The following MOB1B variants were observed in gnomAD, a reference collection of about 807,000 sequenced individuals.
MOB1B encodes MOB1 Mps One Binder homolog B.
A neutral mutation model predicts 24.4 loss-of-function variants in MOB1B; 19 were observed. That is an observed-to-expected ratio of 0.78 (90% CI 0.54 to 1.14). The LOEUF (loss-of-function observed/expected upper bound fraction) is 1.14, where lower values mean the gene tolerates loss of function less well. MOB1B is among the 50% of genes most tolerant of loss of function. The probability of loss-of-function intolerance (pLI) is 0.00; values close to 1 mark genes in which losing one functional copy is unlikely to be tolerated. For synonymous variants in MOB1B, 76 were observed against 82.1 expected, an observed-to-expected ratio of 0.93 and a Z score of 0.40; for missense variants, 243 against 259.6, an observed-to-expected ratio of 0.94 and a Z score of 0.44.
chr4:70,980,142 TC>T (rs1335961873), intron 5 of MOB1B, among the ~76,000 whole-genome samples: 1 of 152,158 alleles, frequency 6.6e-6, no homozygotes, highest in African/African-American at 2.4e-5. Flanking sequence ...GAAATTTGTA[TC>T]CATCTTCCCC....
At chr4:70,902,310 T>G, upstream of MOB1B, 1 of 593,544 alleles carries the variant, frequency 1.7e-6, no homozygotes, top group South Asian at 1.9e-5. Context: ...TCCCTTTCCT[T>G]CCCCTCCCCT....
At chr4:70,979,366 C>G in intron 5 of MOB1B, 75 bp downstream of exon 5, 1 of 1,159,712 alleles carries the variant, frequency 8.6e-7, no homozygotes. Context: ...ATACTGTATT[C>G]ACACTGTCAG....
At chr4:70,950,037 G>A (rs1293718804) in intron 1 of MOB1B, among the ~76,000 whole-genome samples, 2 of 152,106 alleles carry the variant, frequency 1.3e-5, no homozygotes, top group African/African-American at 2.4e-5. Flanking sequence ...TGTGTTGTTC[G>A]TGAATGACTT....
At chr4:70,945,670 G>A (rs1737543473) in intron 1 of MOB1B, among the ~76,000 whole-genome samples, 1 of 152,196 alleles carries the variant, frequency 6.6e-6, no homozygotes, top group African/African-American at 2.4e-5. Flanking sequence ...CCTTGTGATA[G>A]GTTCTGGAGA....
intron 1 of MOB1B, among the ~76,000 whole-genome samples, chr4:70,942,005 A>G (rs937187079): frequency 2.0e-5 from 3 of 152,130 alleles, no homozygotes; most frequent in Admixed American, 2.0e-4. Flanking sequence ...ATTATTATCA[A>G]TCTTAGCTAA....
At chr4:70,923,666 A>G (rs907435429) in intron 1 of MOB1B, among the ~76,000 whole-genome samples, 3 of 151,966 alleles carry the variant, frequency 2.0e-5, no homozygotes, top group Non-Finnish European at 4.4e-5. Context: ...AGGTAACAGT[A>G]GGGCCGGGTG....
At chr4:70,962,031 G>C (rs554802360) in intron 2 of MOB1B, among the ~76,000 whole-genome samples, 1 of 152,020 alleles carries the variant, frequency 6.6e-6, no homozygotes, top group Non-Finnish European at 1.5e-5. Flanking sequence ...TTTGTGACTA[G>C]CCTGGGCAAA....
intron 1 of MOB1B, among the ~76,000 whole-genome samples, chr4:70,916,424 T>C (rs1243300268): frequency 6.6e-6 from 1 of 152,204 alleles, no homozygotes; most frequent in Non-Finnish European, 1.5e-5. Context: ...GAGACTATTA[T>C]TATGACTATT....
intron 1 of MOB1B, among the ~76,000 whole-genome samples, chr4:70,938,319 GCCC>G (rs61346183): frequency 4.1e-4 from 2 of 4,868 alleles, no homozygotes; most frequent in African/African-American, 2.0e-3. Context: ...TGCCGCCCCC[GCCC>G]CCCCCCCCCC....
At chr4:70,937,836 T>G (rs1355691416) in intron 1 of MOB1B, among the ~76,000 whole-genome samples, 1 of 152,162 alleles carries the variant, frequency 6.6e-6, no homozygotes, top group East Asian at 1.9e-4. Flanking sequence ...CATCTCTTTG[T>G]TTTTGTACTT....
At chr4:70,935,997 G>A (rs1472190603) in intron 1 of MOB1B, among the ~76,000 whole-genome samples, 7 of 151,678 alleles carry the variant, frequency 4.6e-5, no homozygotes, top group African/African-American at 1.2e-4. Context: ...GACTACAGGC[G>A]CCCACCACTA....
intron 1 of MOB1B, among the ~76,000 whole-genome samples, chr4:70,937,935 A>G (rs908836142): frequency 1.3e-5 from 2 of 151,508 alleles, no homozygotes; most frequent in African/African-American, 2.4e-5. Context: ...CTAGAGTCCT[A>G]TTTAATTTCT....
chr4:70,951,670 A>T (rs1462683943), intron 1 of MOB1B, among the ~76,000 whole-genome samples: 1 of 152,172 alleles, frequency 6.6e-6, no homozygotes, highest in African/African-American at 2.4e-5. Context: ...GGCCAAGATG[A>T]GGGGATTGCT....
At chr4:70,916,043 C>T (rs1449856745) in intron 1 of MOB1B, among the ~76,000 whole-genome samples, 5 of 152,164 alleles carry the variant, frequency 3.3e-5, no homozygotes, top group African/African-American at 4.8e-5. Context: ...CTGGTCTATT[C>T]TAGGATCTAC....
chr4:70,919,494 G>T (rs1433661699), intron 1 of MOB1B, among the ~76,000 whole-genome samples: 1 of 151,990 alleles, frequency 6.6e-6, no homozygotes, highest in African/African-American at 2.4e-5. Context: ...ATGTAAGACT[G>T]TTTCTTTTTT....
chr4:70,920,142 A>G (rs1328768122), intron 1 of MOB1B, among the ~76,000 whole-genome samples: 1 of 152,202 alleles, frequency 6.6e-6, no homozygotes, highest in African/African-American at 2.4e-5. Flanking sequence ...AAATTACTCA[A>G]GTCACATGAA....
At chr4:70,938,625 A>G (rs1196087630) in intron 1 of MOB1B, among the ~76,000 whole-genome samples, 1 of 151,950 alleles carries the variant, frequency 6.6e-6, no homozygotes, top group African/African-American at 2.4e-5. Context: ...TGGAGGTATA[A>G]CTGCTTTTTA....
rs962828392 is a variant in MOB1B, at chr4:70,984,303, G to T, written c.*2246G>T. 1.3e-5 allele frequency: 2 copies of T among 152,140 alleles called. No individual in the cohort carries two copies. Among genetic ancestry groups the T allele is most frequent in the African/African-American group, 2.4e-5 (1 of 41,428 alleles). The allele number at this position is 152,140 out of a possible 1,614,324, so 9.4% of individuals were successfully genotyped here. On this transcript the variant is annotated 3_prime_UTR_variant, in exon 6 of 6. Transcript: ENST00000309395. ...AACAAAGCATAGCAGTTCTCTAGGG[G>T]AGAGGCCTGGCATTGCACATGGTGT...
At chr4:70,951,163 T>C (rs1198398970) in intron 1 of MOB1B, among the ~76,000 whole-genome samples, 1 of 152,034 alleles carries the variant, frequency 6.6e-6, no homozygotes, top group Non-Finnish European at 1.5e-5. Flanking sequence ...ATAGGGGTAA[T>C]ACAACAAAAA....
Sources: allele counts gnomAD v4.1 joint callset (sites outside exome capture counted in the v4.1 genomes callset), GRCh38; gene constraint gnomAD v4.1.1; transcripts MANE v1.5; gene names NCBI Gene and HGNC (gene_info 2026-07-23, HGNC 2026-07-21).